The following COL28A1 variants were observed in gnomAD, a reference collection of about 807,000 sequenced individuals.
COL28A1 encodes the protein collagen type XXVIII alpha 1 chain.
COL28A1 carries 161 observed loss-of-function variants against 150.2 expected under a neutral mutation model. The observed-to-expected ratio is 1.07, with a 90% confidence interval of 0.94 to 1.22. The LOEUF (loss-of-function observed/expected upper bound fraction) is 1.22, where lower values mean the gene tolerates loss of function less well. Among genes scored for constraint, COL28A1 ranks in the 50% most tolerant of loss-of-function variants. COL28A1 has a pLI of 0.00. For missense variants in COL28A1, 1,617 were observed against 1,388.3 expected (o/e 1.16, Z -2.62); for synonymous variants, 552 against 469.7 (o/e 1.18, Z -2.26).
chr7:7,403,724 T>G (rs1019201594), intron 27 of COL28A1, among the ~76,000 whole-genome samples: 1 of 152,236 alleles, frequency 6.6e-6, no homozygotes, highest in Non-Finnish European at 1.5e-5. Flanking sequence ...AAATGCATAA[T>G]GAAAATATTC....
At chr7:7,353,028 T>A (rs756827773), downstream of COL28A1, among the ~76,000 whole-genome samples, 4 of 152,172 alleles carry the variant, frequency 2.6e-5, no homozygotes, top group African/African-American at 9.7e-5. Context: ...TCCAAATGAA[T>A]AGCTGTTACA....
intron 16 of COL28A1, among the ~76,000 whole-genome samples, chr7:7,455,291 A>G (rs191301213): frequency 1.3e-5 from 2 of 152,354 alleles, no homozygotes; most frequent in East Asian, 3.9e-4. Context: ...AAGGCTGCGT[A>G]AGTATATGGC....
intron 27 of COL28A1, among the ~76,000 whole-genome samples, chr7:7,416,486 C>G (rs1182553577): frequency 1.3e-5 from 2 of 152,210 alleles, no homozygotes; most frequent in African/African-American, 2.4e-5. Context: ...GTGACAGGAC[C>G]TGTGGTTTGG....
At chr7:7,538,608 G>T (rs537064277), upstream of COL28A1, among the ~76,000 whole-genome samples, 1 of 152,110 alleles carries the variant, frequency 6.6e-6, no homozygotes, top group Admixed American at 6.5e-5. Flanking sequence ...ATTGATTCTA[G>T]TACCAGTGCC....
chr7:7,450,876 AAC>A (rs1310040660), intron 18 of COL28A1, among the ~76,000 whole-genome samples: 3 of 152,232 alleles, frequency 2.0e-5, no homozygotes, highest in Non-Finnish European at 4.4e-5. Context: ...GGCATACAAA[AAC>A]ACAAATAAAA....
chr7:7,503,031 A>G (rs1780621098), intron 11 of COL28A1, among the ~76,000 whole-genome samples: 1 of 152,178 alleles, frequency 6.6e-6, no homozygotes, highest in Non-Finnish European at 1.5e-5. Context: ...AACCCAGGAG[A>G]AATGCACCTT....
intron 11 of COL28A1, among the ~76,000 whole-genome samples, chr7:7,501,191 G>C (rs1780502884): frequency 6.6e-6 from 1 of 152,174 alleles, no homozygotes; most frequent in Admixed American, 6.5e-5. Flanking sequence ...AAAACACTTA[G>C]GACAAATATC....
chr7:7,339,619 C>T, the COL28A1 span, among the ~76,000 whole-genome samples: 1 of 152,092 alleles, frequency 6.6e-6, no homozygotes, highest in Non-Finnish European at 1.5e-5. Context: ...ACACACCTTT[C>T]CTGGGAGATC....
chr7:7,476,142 G>C (rs1003161960), intron 14 of COL28A1, among the ~76,000 whole-genome samples: 14 of 152,156 alleles, frequency 9.2e-5, no homozygotes, highest in Non-Finnish European at 1.9e-4. Context: ...GACTGATGTG[G>C]AGGGTCTCAG....
At chr7:7,489,310 G>A in intron 13 of COL28A1, 79 bp downstream of exon 13, 1 of 825,378 alleles carries the variant, frequency 1.2e-6, no homozygotes, top group East Asian at 2.4e-5. Context: ...GGATTAATCT[G>A]ACCATTTATC....
chr7:7,381,640 C>G (rs1781880285), intron 27 of COL28A1, 28 bp from the exon 28 acceptor site: 3 of 1,568,342 alleles, frequency 1.9e-6, no homozygotes, highest in Non-Finnish European at 2.6e-6. Context: ...AAGAGATGTT[C>G]TATTAATTTC....
chr7:7,522,860 G>C (rs540083668), intron 4 of COL28A1, among the ~76,000 whole-genome samples: 21 of 131,746 alleles, frequency 1.6e-4, no homozygotes, highest in Non-Finnish European at 3.0e-4. Context: ...ATTTTATAAC[G>C]TTTTTAAAAA....
chr7:7,514,271 T>C (rs939969354), intron 8 of COL28A1, among the ~76,000 whole-genome samples: 1 of 152,236 alleles, frequency 6.6e-6, no homozygotes, highest in Admixed American at 6.5e-5. Flanking sequence ...TATTTGTTCC[T>C]TTCCTCTTCA....
At chr7:7,363,602 T>C (rs1318171838) in intron 33 of COL28A1, among the ~76,000 whole-genome samples, 1 of 152,192 alleles carries the variant, frequency 6.6e-6, no homozygotes, top group Non-Finnish European at 1.5e-5. Context: ...GAAGTAATTC[T>C]ACCTCCTAAA....
intron 11 of COL28A1, among the ~76,000 whole-genome samples, chr7:7,496,291 T>C (rs953559809): frequency 4.6e-5 from 7 of 152,196 alleles, no homozygotes; most frequent in African/African-American, 1.4e-4. Flanking sequence ...GTTTAGCTCA[T>C]TACTATAATT....
At chr7:7,481,537 A>G (rs144789023) in intron 13 of COL28A1, among the ~76,000 whole-genome samples, 9 of 152,360 alleles carry the variant, frequency 5.9e-5, no homozygotes, top group African/African-American at 2.2e-4. Context: ...TTCTAAGGCC[A>G]TGAGAACCAA....
chr7:7,338,896 T>G, the COL28A1 span, among the ~76,000 whole-genome samples: 1 of 152,124 alleles, frequency 6.6e-6, no homozygotes, highest in South Asian at 2.1e-4. Context: ...TGCAGACTTC[T>G]GCTCTTTCTT....
chr7:7,350,703 G>A, the COL28A1 span, among the ~76,000 whole-genome samples: 1 of 125,106 alleles, frequency 8.0e-6, no homozygotes. Flanking sequence ...TCTCAGCAGT[G>A]ATTTATTCTT....
chr7:7,429,614 A>G (rs1248830832), intron 25 of COL28A1, among the ~76,000 whole-genome samples: 1 of 152,184 alleles, frequency 6.6e-6, no homozygotes, highest in Non-Finnish European at 1.5e-5. Context: ...ATTTTCTTTT[A>G]GACTTTCCTT....
Sources: gnomAD v4.1 joint callset for allele counts (sites outside exome capture counted in the v4.1 genomes callset) on GRCh38, gnomAD v4.1.1 for gene constraint, MANE v1.5 for transcripts, NCBI Gene and HGNC (gene_info 2026-07-23, HGNC 2026-07-21) for gene names.